The following IL23R variants were observed in gnomAD, a reference collection of about 807,000 sequenced individuals.
IL23R encodes the protein interleukin 23 receptor.
A neutral mutation model predicts 56.9 loss-of-function variants in IL23R; 34 were observed. The ratio of observed to expected loss-of-function variants is 0.60; its 90% confidence interval spans 0.45 to 0.80. The LOEUF is 0.80. Ranked by LOEUF, IL23R falls within the 30% of genes least tolerant of loss-of-function variation. IL23R has a pLI of 0.00. For missense variants in IL23R, 635 were observed against 730.0 expected (o/e 0.87, Z 1.50); for synonymous variants, 230 against 249.2 (o/e 0.92, Z 0.73).
Position 67,259,440 on chromosome 1 carries a change from T to C in IL23R, c.*312T>C. Reference sequence around the variant, plus strand: ...AATTTTAGCCATTCTTCTGCCTCATTTCTTAAAATTAGAGAATTAAGGTCC... The same window carrying C: ...AATTTTAGCCATTCTTCTGCCTCATCTCTTAAAATTAGAGAATTAAGGTCC... On this transcript the variant is annotated 3_prime_UTR_variant, in exon 11 of 11. Coordinates refer to ENST00000347310, the MANE Select transcript of IL23R (RefSeq NM_144701.3). 2.8e-6 allele frequency: 1 copy of C among 357,240 alleles called. No individual in the cohort carries two copies. The highest frequency in any genetic ancestry group is 6.7e-5 in the East Asian group (1 of 15,004). The allele number at this position is 357,240 out of a possible 1,614,324, so 22.1% of individuals were successfully genotyped here.
downstream of IL23R, among the ~76,000 whole-genome samples, chr1:67,264,457 A>G (rs1211024309): frequency 2.0e-5 from 3 of 152,246 alleles, no homozygotes; most frequent in Non-Finnish European, 4.4e-5. Flanking sequence ...TTTGGCAGAC[A>G]CTATTGGTTT....
At chr1:67,177,027 T>C (rs879863254) in intron 3 of IL23R, among the ~76,000 whole-genome samples, 1 of 152,208 alleles carries the variant, frequency 6.6e-6, no homozygotes, top group Non-Finnish European at 1.5e-5. Context: ...TTGTTGGACA[T>C]TTGGGTTGGT....
intron 1 of IL23R, among the ~76,000 whole-genome samples, chr1:67,146,973 T>C (rs1325266335): frequency 1.3e-5 from 2 of 152,128 alleles, no homozygotes; most frequent in Non-Finnish European, 2.9e-5. Flanking sequence ...TGGTCAATCA[T>C]AGAACTTCAG....
chr1:67,188,362 T>A (rs1335464363), intron 4 of IL23R, among the ~76,000 whole-genome samples: 3 of 152,222 alleles, frequency 2.0e-5, no homozygotes, highest in Admixed American at 6.5e-5. Context: ...ACATGTCTAC[T>A]CTGTCTGGAT....
chr1:67,233,908 AAC>A (rs1040324498), intron 7 of IL23R, among the ~76,000 whole-genome samples: 25 of 149,138 alleles, frequency 1.7e-4, no homozygotes, highest in African/African-American at 6.0e-4. Flanking sequence ...TGATATAAAA[AAC>A]AGTTTCCAGT....
At chr1:67,179,453 C>T (rs1044912656) in intron 3 of IL23R, among the ~76,000 whole-genome samples, 12 of 152,148 alleles carry the variant, frequency 7.9e-5, no homozygotes, top group African/African-American at 1.2e-4. Flanking sequence ...TCTGTGGGAT[C>T]GGTGGTGATA....
intron 5 of IL23R, among the ~76,000 whole-genome samples, chr1:67,202,293 C>CT (rs1648696365): frequency 6.6e-6 from 1 of 152,262 alleles, no homozygotes; most frequent in Non-Finnish European, 1.5e-5. Flanking sequence ...CCTCTGCCTC[C>CT]TGGCTTCAAG....
At chr1:67,209,594 T>C (rs1649318949) in intron 6 of IL23R, among the ~76,000 whole-genome samples, 2 of 152,224 alleles carry the variant, frequency 1.3e-5, no homozygotes, top group African/African-American at 2.4e-5. Flanking sequence ...ATCATCATTC[T>C]GAGGCCTCTC....
chr1:67,213,111 C>T (rs915196820), intron 6 of IL23R, among the ~76,000 whole-genome samples: 3 of 152,086 alleles, frequency 2.0e-5, no homozygotes, highest in Admixed American at 1.3e-4. Flanking sequence ...CTGCCCATCT[C>T]GGCCTCCCAA....
At chr1:67,178,651 C>G (rs969003737) in intron 3 of IL23R, among the ~76,000 whole-genome samples, 3 of 152,178 alleles carry the variant, frequency 2.0e-5, no homozygotes, top group Admixed American at 1.3e-4. Flanking sequence ...ACTTCCAACA[C>G]TATGTTGAAT....
chr1:67,186,338 A>G (rs1475623541), intron 4 of IL23R, among the ~76,000 whole-genome samples: 2 of 152,174 alleles, frequency 1.3e-5, no homozygotes, highest in Non-Finnish European at 2.9e-5. Flanking sequence ...TATTTTTAAT[A>G]TAACCCTTTA....
intron 8 of IL23R, among the ~76,000 whole-genome samples, chr1:67,239,182 G>A (rs1397656816): frequency 6.6e-6 from 1 of 152,202 alleles, no homozygotes; most frequent in African/African-American, 2.4e-5. Flanking sequence ...GGTAATATGT[G>A]TTGAATAAAT....
chr1:67,189,044 A>T (rs1362390032), intron 4 of IL23R, among the ~76,000 whole-genome samples: 1 of 152,054 alleles, frequency 6.6e-6, no homozygotes, highest in Non-Finnish European at 1.5e-5. Flanking sequence ...GATATTATAG[A>T]TAATTTTATT....
intron 1 of IL23R, among the ~76,000 whole-genome samples, chr1:67,158,756 T>A (rs1187394714): frequency 1.3e-5 from 2 of 151,820 alleles, no homozygotes; most frequent in African/African-American, 4.8e-5. Flanking sequence ...AAGGTTTGGA[T>A]TTGTGTGCCA....
intron 3 of IL23R, among the ~76,000 whole-genome samples, chr1:67,169,989 G>T (rs952922497): frequency 1.1e-4 from 16 of 152,194 alleles, no homozygotes; most frequent in African/African-American, 3.9e-4. Context: ...CTGCATATGT[G>T]AGGGCCAGCC....
At chr1:67,240,897 G>C (rs1383133209) in intron 9 of IL23R, among the ~76,000 whole-genome samples, 4 of 152,246 alleles carry the variant, frequency 2.6e-5, no homozygotes, top group African/African-American at 9.6e-5. Flanking sequence ...AGCTGGATAG[G>C]TTATGGATTG....
chr1:67,212,856 A>C (rs1649585074), intron 6 of IL23R, among the ~76,000 whole-genome samples: 2 of 151,834 alleles, frequency 1.3e-5, no homozygotes, highest in South Asian at 4.2e-4. Flanking sequence ...CTCCTGGCTA[A>C]GTCATGCAAT....
chr1:67,243,988 T>TGG, intron 9 of IL23R, among the ~76,000 whole-genome samples: 1 of 152,216 alleles, frequency 6.6e-6, no homozygotes, highest in Admixed American at 6.5e-5. Flanking sequence ...CCTGACTTTT[T>TGG]AATGATCTCC....
chr1:67,196,188 T>A (rs1408730277), intron 4 of IL23R: 1 of 152,416 alleles, frequency 6.6e-6, no homozygotes, highest in South Asian at 2.1e-4. Context: ...ACAAAGAAGA[T>A]GGCATGACCC....
Sources: gnomAD v4.1 joint callset for allele counts (sites outside exome capture counted in the v4.1 genomes callset) on GRCh38, gnomAD v4.1.1 for gene constraint, MANE v1.5 for transcripts, NCBI Gene and HGNC (gene_info 2026-07-23, HGNC 2026-07-21) for gene names.